Variants in CLEC2B observed in about 807,000 individuals in gnomAD.
The protein encoded by CLEC2B is C-type (calcium dependent, carbohydrate-recognition domain) lectin, superfamily member 2 (activation-induced).
A neutral mutation model predicts 16.2 loss-of-function variants in CLEC2B; 14 were observed. The observed-to-expected ratio is 0.86, with a 90% CI of 0.57 to 1.35. The LOEUF is 1.35. Ranked by LOEUF, CLEC2B falls within the 40% of genes most tolerant of loss-of-function variation. The pLI is 0.00. For missense variants in CLEC2B, 166 were observed against 182.3 expected, an observed-to-expected ratio of 0.91 and a Z score of 0.52; for synonymous variants, 42 against 55.8, an observed-to-expected ratio of 0.75 and a Z score of 1.10.
rs748644430 is a variant in CLEC2B, at chr12:9,854,380, C to G, written c.341+1G>C. 6.2e-7 allele frequency: 1 copy of G among 1,601,142 alleles called. No individual in the cohort carries two copies. Among genetic ancestry groups the G allele is most frequent in the South Asian group, 1.1e-5 (1 of 90,470 alleles). On this transcript the variant is annotated splice_donor_variant, in intron 4 of 4. Coordinates refer to ENST00000228438, the MANE Select transcript of CLEC2B (RefSeq NM_005127.3). LOFTEE classifies it high-confidence loss of function. Reference sequence around the variant, plus strand: ...GTGATCCCAGAAAAAAATAAACTCACGATTTGGTAAATGTAGCTCCATCTA... The same window carrying G: ...GTGATCCCAGAAAAAAATAAACTCAGGATTTGGTAAATGTAGCTCCATCTA...
chr12:9,853,144 C>T lies in CLEC2B; in HGVS notation c.*156G>A, dbSNP rs2136975794. ...GCAGAATACCTGTAACCATTTTTTGCCAATCTTTGAAGTGGCTTTTATGTG... is the reference window on the plus strand; with the variant it reads ...GCAGAATACCTGTAACCATTTTTTGTCAATCTTTGAAGTGGCTTTTATGTG... On this transcript the variant is annotated 3_prime_UTR_variant, in exon 5 of 5. Transcript: ENST00000228438. 1.9e-6 allele frequency: 1 copy of T among 535,746 alleles called. No homozygotes were observed. Among genetic ancestry groups the T allele is most frequent in the Non-Finnish European group, 3.3e-6 (1 of 304,136 alleles). 33.2% of individuals were successfully genotyped at this position (535,746 alleles called of 1,614,324 possible). A position where few individuals can be genotyped will look rare whatever the true frequency, so the allele number is the denominator to read the frequency against.
At position 9,857,638 on chromosome 12, in the gene CLEC2B, C is replaced by G; in HGVS notation, c.74-1G>C. On this transcript the variant is annotated splice_acceptor_variant, in intron 2 of 4. Transcript: ENST00000228438. LOFTEE classifies it high-confidence loss of function. Reference sequence around the variant, plus strand: ...CTCTGAGAATCTCGAGTTAGTTTAACTGGAAATGAGACAAATATATATCTT... The same window carrying G: ...CTCTGAGAATCTCGAGTTAGTTTAAGTGGAAATGAGACAAATATATATCTT... 4 of 1,605,828 alleles carry G rather than the reference C, an allele frequency of 2.5e-6. No homozygotes were observed. The highest frequency in any genetic ancestry group is 2.6e-6 in the Non-Finnish European group (3 of 1,173,588).
rs1867996675 is a variant in CLEC2B at position 9,869,299 on chromosome 12, T to G, written c.-97A>C. The G allele has an allele frequency of 6.6e-6, 1 of 152,216 alleles. No individual in the cohort carries two copies. The highest frequency in any genetic ancestry group is 2.4e-5 in the African/African-American group (1 of 41,462). The allele number at this position is 152,216 out of a possible 1,614,324, so 9.4% of individuals were successfully genotyped here. On this transcript the variant is annotated 5_prime_UTR_variant, in exon 1 of 5. Coordinates refer to ENST00000228438, the MANE Select transcript of CLEC2B (RefSeq NM_005127.3). ...TCAAAGTTGTAACTTTATTTAACTT[T>G]AATATAAAAATGTTACTCTTGTTTT...
At chr12:9,857,417 T>C in intron 3 of CLEC2B, 57 bp downstream of exon 3, 6 of 1,308,442 alleles carry the variant, frequency 4.6e-6, no homozygotes, top group Non-Finnish European at 6.5e-6. Flanking sequence ...GGTGTTTGAA[T>C]ATTTCTAATG....
intron 2 of CLEC2B, among the ~76,000 whole-genome samples, chr12:9,861,478 A>G (rs1296893700): frequency 6.6e-6 from 1 of 152,162 alleles, no homozygotes; most frequent in Non-Finnish European, 1.5e-5. Context: ...TGCTGAGATT[A>G]TCTACATTTT....
intron 1 of CLEC2B, chr12:9,867,238 TCA>T (rs1342333206): frequency 6.6e-6 from 1 of 152,174 alleles, no homozygotes; most frequent in Non-Finnish European, 1.5e-5. Context: ...AAGAAATCTC[TCA>T]CTCTCAATAC....
chr12:9,866,075 T>C (rs1867968241), intron 1 of CLEC2B, among the ~76,000 whole-genome samples: 1 of 152,070 alleles, frequency 6.6e-6, no homozygotes, highest in Non-Finnish European at 1.5e-5. Flanking sequence ...AATAACCTAA[T>C]GATGAACTTA....
intron 2 of CLEC2B, among the ~76,000 whole-genome samples, chr12:9,860,556 T>G (rs1490825781): frequency 6.6e-6 from 1 of 151,832 alleles, no homozygotes; most frequent in Non-Finnish European, 1.5e-5. Flanking sequence ...AATATTAAGA[T>G]AATGATTCCA....
rs1591769306 is a variant in CLEC2B at position 9,860,315 on chromosome 12, G to C, written c.73+2184C>G. Reference sequence around the variant, plus strand: ...TAACTATAGCAAATTTGTTATATGAGGCTTATATAGGTATATATTAAATTT... The same window carrying C: ...TAACTATAGCAAATTTGTTATATGACGCTTATATAGGTATATATTAAATTT... On this transcript the variant is annotated intron_variant, in intron 2 of 4. Transcript: ENST00000228438. Among the ~76,000 whole-genome samples, 4 of 151,706 alleles carry C rather than the reference G, an allele frequency of 2.6e-5. 1 individual carries two copies. The highest frequency in any genetic ancestry group is 4.1e-4 in the South Asian group (2 of 4,824).
At chr12:9,866,335 A>C (rs1049925008) in intron 1 of CLEC2B, among the ~76,000 whole-genome samples, 2 of 152,146 alleles carry the variant, frequency 1.3e-5, no homozygotes, top group African/African-American at 4.8e-5. Context: ...GAATTGGCAT[A>C]ATGTAAAAAT....
At chr12:9,863,383 A>T (rs1307171553) in intron 1 of CLEC2B, among the ~76,000 whole-genome samples, 3 of 152,198 alleles carry the variant, frequency 2.0e-5, no homozygotes, top group Non-Finnish European at 4.4e-5. Context: ...CCTTCAACAC[A>T]AAGACATAGA....
intron 1 of CLEC2B, 63 bp from the exon 2 acceptor site, chr12:9,862,636 AGT>A: frequency 7.6e-7 from 1 of 1,316,826 alleles, no homozygotes; most frequent in Non-Finnish European, 9.8e-7. Flanking sequence ...CATAAAAGTA[AGT>A]TGGCTTTAAT....
At chr12:9,854,570 G>C (rs530872589) in intron 3 of CLEC2B, 86 bp from the exon 4 acceptor site, 3 of 856,316 alleles carry the variant, frequency 3.5e-6, no homozygotes, top group East Asian at 5.1e-5. Context: ...AGGTTGTGAA[G>C]TGCAAGGCAA....
intron 1 of CLEC2B, among the ~76,000 whole-genome samples, chr12:9,865,553 A>G (rs906659750): frequency 1.2e-4 from 18 of 152,226 alleles, no homozygotes. Context: ...GATAGACTGC[A>G]ATGCAATAAT....
Position 9,857,465 on chromosome 12 carries a change from A to G in CLEC2B, c.237+9T>C. ...AAAATTCACAAAGAATGTATATTAA[A>G]TTACTTACCATTTCTTCTATGTTGT... On this transcript the variant is annotated intron_variant, in intron 3 of 4. Coordinates refer to ENST00000228438, the MANE Select transcript of CLEC2B (RefSeq NM_005127.3). 1 of 1,589,062 alleles carries G rather than the reference A, an allele frequency of 6.3e-7. No homozygotes were observed. Among genetic ancestry groups the G allele is most frequent in the Non-Finnish European group, 8.6e-7 (1 of 1,159,886 alleles).
Position 9,859,702 on chromosome 12 carries a change from A to G in CLEC2B, c.74-2065T>C, listed in dbSNP as rs141488391. ...AGGGAATACTTTCCAACCAAATTTTAGAAGCCATCATAATCACATCAATAC... is the reference window on the plus strand; with the variant it reads ...AGGGAATACTTTCCAACCAAATTTTGGAAGCCATCATAATCACATCAATAC... On this transcript the variant is annotated intron_variant, in intron 2 of 4. Transcript: ENST00000228438. Among the ~76,000 whole-genome samples, 653 of 152,026 alleles carry G rather than the reference A, an allele frequency of 4.3e-3. 3 individuals carry two copies. The highest frequency in any genetic ancestry group is 0.015 in the African/African-American group (616 of 41,572).
At chr12:9,857,435 T>C (rs755164453) in intron 3 of CLEC2B, 39 bp downstream of exon 3, 4 of 1,463,674 alleles carry the variant, frequency 2.7e-6, no homozygotes, top group Non-Finnish European at 2.9e-6. Flanking sequence ...ATGCTCCGAC[T>C]CAAGAAAATT....
intron 1 of CLEC2B, among the ~76,000 whole-genome samples, chr12:9,864,977 G>A (rs190264044): frequency 2.4e-4 from 36 of 152,212 alleles, no homozygotes; most frequent in African/African-American, 8.4e-4. Context: ...GAGGTCAGGA[G>A]CTCAAGACTA....
chr12:9,865,539 G>A (rs1867964763), intron 1 of CLEC2B, among the ~76,000 whole-genome samples: 1 of 152,134 alleles, frequency 6.6e-6, no homozygotes, highest in Non-Finnish European at 1.5e-5. Flanking sequence ...GATCTAAAGG[G>A]AGAGATAGAC....
Sources: allele counts gnomAD v4.1 joint callset (sites outside exome capture counted in the v4.1 genomes callset), GRCh38; gene constraint gnomAD v4.1.1; transcripts MANE v1.5; gene names NCBI Gene and HGNC (gene_info 2026-07-23, HGNC 2026-07-21).